Variants in NALCN observed in about 807,000 individuals in gnomAD.
NALCN encodes the protein sodium leak channel NALCN.
In NALCN, 111 loss-of-function variants were observed where a neutral mutation model predicts 225.3. That is an observed-to-expected ratio of 0.49 (90% CI 0.42 to 0.58). NALCN has a LOEUF of 0.58. Ranked by LOEUF, NALCN falls within the 20% of genes least tolerant of loss-of-function variation. NALCN has a pLI of 0.00. For synonymous variants in NALCN, 764 were observed against 769.0 expected, an observed-to-expected ratio of 0.99 and a Z score of 0.11; for missense variants, 1,378 against 2,202.4, an observed-to-expected ratio of 0.63 and a Z score of 7.49.
At chr13:101,183,051 T>C (rs1002575802) in intron 14 of NALCN, among the ~76,000 whole-genome samples, 3 of 152,172 alleles carry the variant, frequency 2.0e-5, no homozygotes, top group African/African-American at 2.4e-5. Context: ...TGGAAAGTCA[T>C]GGGAGTGGGT....
chr13:101,410,040 G>C (rs983789125), intron 1 of NALCN, among the ~76,000 whole-genome samples: 5 of 152,166 alleles, frequency 3.3e-5, no homozygotes, highest in African/African-American at 1.2e-4. Context: ...GGACCAGGAA[G>C]ACAGCCCTCA....
chr13:101,212,575 GA>G, intron 13 of NALCN, among the ~76,000 whole-genome samples: 1 of 152,126 alleles, frequency 6.6e-6, no homozygotes, highest in East Asian at 1.9e-4. Context: ...AATTATGAAT[GA>G]AAAACCAAGA....
At chr13:101,405,818 A>T (rs1283572348) in intron 1 of NALCN, among the ~76,000 whole-genome samples, 1 of 152,206 alleles carries the variant, frequency 6.6e-6, no homozygotes, top group African/African-American at 2.4e-5. Context: ...AAAGGAAAAT[A>T]GCCTTCAGTA....
intron 13 of NALCN, among the ~76,000 whole-genome samples, chr13:101,228,151 C>T (rs537003844): frequency 1.5e-4 from 23 of 149,756 alleles, no homozygotes; most frequent in Non-Finnish European, 2.4e-4. Flanking sequence ...TAAAGGCACT[C>T]GACAAATCCT....
intron 1 of NALCN, among the ~76,000 whole-genome samples, chr13:101,408,370 A>C (rs1170203764): frequency 1.3e-5 from 2 of 152,072 alleles, no homozygotes; most frequent in African/African-American, 4.8e-5. Flanking sequence ...ATTCCCTGTA[A>C]TCTGGCCTCT....
intron 6 of NALCN, among the ~76,000 whole-genome samples, chr13:101,375,933 C>T (rs1165587904): frequency 1.3e-5 from 2 of 151,968 alleles, no homozygotes; most frequent in African/African-American, 4.8e-5. Context: ...CCATCACATC[C>T]CTGGAGTTGT....
chr13:101,238,682 T>C (rs2041652677), intron 11 of NALCN, among the ~76,000 whole-genome samples: 1 of 151,982 alleles, frequency 6.6e-6, no homozygotes, highest in Non-Finnish European at 1.5e-5. Flanking sequence ...CAATAGAAGA[T>C]TAACTTCTAA....
chr13:101,369,166 A>ATGTGTGTGTGTGTG (rs56739782), intron 6 of NALCN, among the ~76,000 whole-genome samples: 18,176 of 146,046 alleles, frequency 0.12, 1,395 homozygotes, highest in Non-Finnish European at 0.17. Context: ...GACAAAATAA[A>ATGTGTGTGTGTGTG]TGTGTGTGTG....
intron 3 of NALCN, among the ~76,000 whole-genome samples, chr13:101,382,584 T>C (rs905232662): frequency 2.0e-5 from 3 of 152,152 alleles, no homozygotes; most frequent in Non-Finnish European, 4.4e-5. Flanking sequence ...CTAAGGAAAT[T>C]AATGTTGTAA....
At chr13:101,058,264 A>C in intron 42 of NALCN, 2 of 529,174 alleles carry the variant, frequency 3.8e-6, no homozygotes, top group South Asian at 2.6e-5. Context: ...AGGAGACACC[A>C]CTCTTCCTGG....
intron 16 of NALCN, among the ~76,000 whole-genome samples, chr13:101,143,608 G>C (rs1285478729): frequency 1.3e-5 from 2 of 152,114 alleles, no homozygotes; most frequent in East Asian, 3.9e-4. Context: ...GGGATTACAG[G>C]CATGCGCCAC....
chr13:101,165,669 T>G (rs545414502), intron 15 of NALCN, among the ~76,000 whole-genome samples: 1 of 152,334 alleles, frequency 6.6e-6, no homozygotes, highest in Non-Finnish European at 1.5e-5. Flanking sequence ...AGAGACAGGG[T>G]GTTGCCACGT....
chr13:101,207,822 T>C (rs962894576), intron 13 of NALCN, among the ~76,000 whole-genome samples: 1 of 152,240 alleles, frequency 6.6e-6, no homozygotes, highest in Non-Finnish European at 1.5e-5. Flanking sequence ...CCTTCCGTGC[T>C]GTGGAAGCTT....
At chr13:101,121,459 G>A (rs575443499) in intron 18 of NALCN, among the ~76,000 whole-genome samples, 86 of 152,178 alleles carry the variant, frequency 5.7e-4, no homozygotes, top group African/African-American at 2.0e-3. Flanking sequence ...AAATTAGGAC[G>A]AATGCCAACC....
At chr13:101,069,124 G>A (rs1328472780) in intron 37 of NALCN, among the ~76,000 whole-genome samples, 1 of 152,186 alleles carries the variant, frequency 6.6e-6, no homozygotes, top group East Asian at 1.9e-4. Flanking sequence ...CCAGCCCCAA[G>A]TGATAAGTAG....
At chr13:101,065,838 G>GC (rs1190924918) in intron 39 of NALCN, among the ~76,000 whole-genome samples, 1 of 151,994 alleles carries the variant, frequency 6.6e-6, no homozygotes, top group Admixed American at 6.6e-5. Context: ...CTCCCCTTCA[G>GC]CCCCCCAGGA....
At chr13:101,254,343 A>G (rs1366169246) in intron 11 of NALCN, among the ~76,000 whole-genome samples, 1 of 128,340 alleles carries the variant, frequency 7.8e-6, no homozygotes, top group Non-Finnish European at 1.6e-5. Context: ...ACTGCACTCT[A>G]GCCTGAGCAA....
At chr13:101,122,197 C>A (rs546271447) in intron 18 of NALCN, among the ~76,000 whole-genome samples, 1 of 152,138 alleles carries the variant, frequency 6.6e-6, no homozygotes, top group South Asian at 2.1e-4. Context: ...TTTGCACTTG[C>A]CCTTAATTCA....
chr13:101,235,924 A>C (rs1451447228), intron 12 of NALCN, among the ~76,000 whole-genome samples: 1 of 152,364 alleles, frequency 6.6e-6, no homozygotes, highest in Admixed American at 6.5e-5. Context: ...TTACTAATAA[A>C]TAAAATCAAT....
Sources: allele counts gnomAD v4.1 joint callset (sites outside exome capture counted in the v4.1 genomes callset), GRCh38; gene constraint gnomAD v4.1.1; transcripts MANE v1.5; gene names NCBI Gene and HGNC (gene_info 2026-07-23, HGNC 2026-07-21).